CELF3: variants seen among roughly 807,000 people sequenced by gnomAD.
CELF3 encodes the protein CUGBP Elav-like family member 3, also known as CAG repeat domain.
In CELF3, 26 loss-of-function variants were observed where a neutral mutation model predicts 59.6. The ratio of observed to expected loss-of-function variants is 0.44; its 90% CI spans 0.32 to 0.61. The LOEUF (loss-of-function observed/expected upper bound fraction) is 0.61, where lower values mean the gene tolerates loss of function less well. Among genes scored for constraint, CELF3 ranks in the 20% least tolerant of loss-of-function variants. The pLI is 0.06. For synonymous variants in CELF3, 245 were observed against 250.7 expected (o/e 0.98, Z 0.22); for missense variants, 387 against 627.2 (o/e 0.62, Z 4.09).
intron 2 of CELF3, among the ~76,000 whole-genome samples, chr1:151,714,185 C>A (rs976234779): frequency 6.6e-6 from 1 of 152,106 alleles, no homozygotes; most frequent in Admixed American, 6.5e-5. Flanking sequence ...GGGCACTCCT[C>A]CCTCATCTCA....
intron 1 of CELF3, chr1:151,715,500 G>C (rs1673400264): frequency 2.8e-6 from 2 of 711,980 alleles, no homozygotes; most frequent in Non-Finnish European, 4.3e-6. Context: ...AGGCTGCTCA[G>C]ATTCTCAGTC....
In CELF3 at chr1:151,701,548, A is replaced by C. The variant is rs547797076; in HGVS notation, c.*1911T>G. 6.6e-6 allele frequency among the ~76,000 whole-genome samples: 1 copy of C among 152,182 alleles called. No individual in the cohort carries two copies. Among genetic ancestry groups the C allele is most frequent in the Non-Finnish European group, 1.5e-5 (1 of 68,016 alleles). On this transcript the variant is annotated 3_prime_UTR_variant, in exon 13 of 13. Coordinates refer to ENST00000290583, the MANE Select transcript of CELF3 (RefSeq NM_007185.7). Reference sequence around the variant, plus strand: ...CAAACTGGGTTCAACTCCTACAGCCATGCCTTACTGGCTTTGTGACTCCAG... The same window carrying C: ...CAAACTGGGTTCAACTCCTACAGCCCTGCCTTACTGGCTTTGTGACTCCAG...
intron 5 of CELF3, among the ~76,000 whole-genome samples, chr1:151,708,552 G>GCA (rs1293953878): frequency 6.6e-6 from 1 of 152,232 alleles, no homozygotes; most frequent in East Asian, 1.9e-4. Context: ...TATGGGAAGT[G>GCA]CACAGCCTTC....
rs1471589213 is a variant in CELF3, at chr1:151,701,326, A to G, written c.*2133T>C. On this transcript the variant is annotated 3_prime_UTR_variant, in exon 13 of 13. Coordinates refer to ENST00000290583, the MANE Select transcript of CELF3 (RefSeq NM_007185.7). Reference sequence around the variant, plus strand: ...AGAAGCACATGTTCTATGAAGTCAAAGAAGACACCTGTGTGATCCTGAGCC... The same window carrying G: ...AGAAGCACATGTTCTATGAAGTCAAGGAAGACACCTGTGTGATCCTGAGCC... 6.6e-6 allele frequency among the ~76,000 whole-genome samples: 1 copy of G among 152,182 alleles called. No homozygotes were observed. Among genetic ancestry groups the G allele is most frequent in the Non-Finnish European group, 1.5e-5 (1 of 68,042 alleles).
At position 151,701,274 on chromosome 1, in the gene CELF3, T is replaced by C. The variant is rs964999510; in HGVS notation, c.*2185A>G. 1 of 152,178 alleles carries C rather than the reference T, an allele frequency of 6.6e-6. No homozygotes were observed. The highest frequency in any genetic ancestry group is 1.5e-5 in the Non-Finnish European group (1 of 68,056). The allele number at this position is 152,178 out of a possible 1,614,324, so 9.4% of individuals were successfully genotyped here. A position where few individuals can be genotyped will look rare whatever the true frequency, so the allele number is the denominator to read the frequency against. ...ACCTAGTGGTGCTGCTTACTAATGA[T>C]GAAGACAGAGGGTGGGGTAGCAGCC... is the stretch of plus-strand genomic sequence containing the variant. On this transcript the variant is annotated 3_prime_UTR_variant, in exon 13 of 13. Transcript: ENST00000290583.
At chr1:151,713,914 G>A (rs1015086416) in intron 2 of CELF3, among the ~76,000 whole-genome samples, 19 of 152,190 alleles carry the variant, frequency 1.2e-4, no homozygotes, top group African/African-American at 3.6e-4. Context: ...CAGGAGAGGG[G>A]CCACCTCTGA....
At chr1:151,707,382 G>T (rs1672653861) in intron 7 of CELF3, 88 bp from the exon 8 acceptor site, 1 of 1,535,838 alleles carries the variant, frequency 6.5e-7, no homozygotes, top group African/African-American at 1.4e-5. Context: ...GGGCAGAGGG[G>T]AGGAAGCAGG....
Position 151,707,228 on chromosome 1 carries a change from T to C in CELF3, c.839A>G (p.Asn280Ser). 2.6e-6 allele frequency: 4 copies of C among 1,552,948 alleles called. No homozygotes were observed. Among genetic ancestry groups the C allele is most frequent in the Non-Finnish European group, 3.5e-6 (4 of 1,152,660 alleles). ...VSAIPAALGV[N>S]GYSPVPTQPT... ...CTGGGTGGGCACCGGGCTGTAGCCG[T>C]TGACGCCCAGGGCAGCCGGAATGGC... The change falls in exon 8 of 13, where the codon AAC (asparagine) becomes AGC (serine). Residue 280 changes from asparagine to serine, a missense_variant. Physicochemically the swap from Asn to Ser is conservative, Grantham distance 46. Around this residue, in one of 3 missense-constraint regions of CELF3, gnomAD observed 131 missense variants for 153.7 expected, o/e 0.85. Coordinates refer to ENST00000290583, the MANE Select transcript of CELF3 (RefSeq NM_007185.7).
At chr1:151,708,352 C>T (rs1672745506) in intron 5 of CELF3, 3 of 200,550 alleles carry the variant, frequency 1.5e-5, no homozygotes, top group South Asian at 2.4e-4. Context: ...TGGTGTGCCT[C>T]AAATCTTAAT....
At position 151,709,866 on chromosome 1, in the gene CELF3, C is replaced by T. The variant is rs1240358809; in HGVS notation, c.229-75G>A. 2.1e-6 allele frequency: 3 copies of T among 1,429,732 alleles called. No homozygotes were observed. The highest frequency in any genetic ancestry group is 2.3e-5 in the South Asian group (2 of 87,440). The allele number at this position is 1,429,732 out of a possible 1,614,324, so 88.6% of individuals were successfully genotyped here. A position where few individuals can be genotyped will look rare whatever the true frequency, so the allele number is the denominator to read the frequency against. ...AAGAGCCCTCCCAGGCCAGGCCCTG[C>T]AGAGAGACTAGAGGGGCAAGCCCCA... On this transcript the variant is annotated intron_variant, in intron 2 of 12. Transcript: ENST00000290583. The surrounding 1 kb of genome is among the most constrained non-coding windows in gnomAD (Gnocchi z 4.9).
chr1:151,706,777 A>G, intron 8 of CELF3, 43 bp from the exon 9 acceptor site: 1 of 1,457,758 alleles, frequency 6.9e-7, no homozygotes, highest in East Asian at 2.5e-5. Context: ...CCTGGCACAC[A>G]GTGGGGGCCC....
intron 5 of CELF3, chr1:151,708,287 T>G: frequency 4.0e-6 from 1 of 251,200 alleles, no homozygotes. Context: ...TAGTCTTCCC[T>G]TGTAGCTGCC....
chr1:151,707,943 C>T lies in CELF3; in HGVS notation c.487-8G>A, dbSNP rs562724874. The T allele has an allele frequency of 7.6e-5, 123 of 1,607,876 alleles. No individual in the cohort carries two copies. The Admixed American group carries it at 1.2e-3, about 16-fold the overall frequency. The stretch of plus-strand genomic sequence containing the variant: ...CAGGCTGGACGAGGCACCCTGGGCA[C>T]GGGCCCACACACAGGTCAGAGGTGC... On this transcript the variant is annotated splice_region_variant and splice_polypyrimidine_tract_variant and intron_variant, in intron 5 of 12. Transcript: ENST00000290583.
Position 151,705,070 on chromosome 1 carries a change from G to T in CELF3, c.1369C>A (p.Arg457=). 1.2e-6 allele frequency: 2 copies of T among 1,613,664 alleles called. No homozygotes were observed. Among genetic ancestry groups the T allele is most frequent in the Non-Finnish European group, 1.7e-6 (2 of 1,179,678 alleles). Reference sequence around the variant, plus strand: ...TAGGGCCGGTTGGCATCCTTAGGCCGCTTTAGCTGGACTTTGAGGCGCTTC... The same window carrying T: ...TAGGGCCGGTTGGCATCCTTAGGCCTCTTTAGCTGGACTTTGAGGCGCTTC... ...GMKRLKVQLK[R]PKDANRPY The change falls in exon 12 of 13, where the codon CGG becomes AGG. Residue 457 remains arginine, a synonymous_variant. Coordinates refer to ENST00000290583, the MANE Select transcript of CELF3 (RefSeq NM_007185.7). The surrounding 1 kb of genome is among the most constrained non-coding windows in gnomAD (Gnocchi z 5.1).
intron 2 of CELF3, 149 bp downstream of exon 2, chr1:151,714,445 G>T: frequency 1.4e-6 from 1 of 715,098 alleles, no homozygotes; most frequent in Non-Finnish European, 2.6e-6. Context: ...TGCATCTACA[G>T]CAAGAAAGAT....
chr1:151,710,609 C>CAAG (rs764107251), intron 2 of CELF3: 6 of 456,240 alleles, frequency 1.3e-5, no homozygotes, highest in South Asian at 7.7e-5. Context: ...CCCATCCCTT[C>CAAG]TCCTGCCTCC....
chr1:151,704,638 C>G (rs1176617368), intron 12 of CELF3, among the ~76,000 whole-genome samples: 1 of 152,050 alleles, frequency 6.6e-6, no homozygotes, highest in Non-Finnish European at 1.5e-5. Flanking sequence ...CTCAGCCAAC[C>G]CCTTAATCCT....
intron 1 of CELF3, 148 bp from the exon 2 acceptor site, chr1:151,714,824 G>C (rs1257932035): frequency 1.6e-6 from 1 of 638,512 alleles, no homozygotes. Context: ...GTCTCCAAGG[G>C]GTAGACTCTC....
At chr1:151,706,115 C>T in intron 10 of CELF3, 109 bp downstream of exon 10, 1 of 1,600,736 alleles carries the variant, frequency 6.2e-7, no homozygotes, top group South Asian at 1.1e-5. Context: ...TCCCTCCCCA[C>T]TTGCTTTCAT....
Sources: gnomAD v4.1 joint callset for allele counts (sites outside exome capture counted in the v4.1 genomes callset) on GRCh38, gnomAD v4.1.1 for gene constraint, gnomAD v4.1.1 regional missense constraint, Gnocchi (gnomAD v3.1) non-coding constraint, MANE v1.5 for transcripts, NCBI Gene and HGNC (gene_info 2026-07-23, HGNC 2026-07-21) for gene names.